FRMPD4: variants seen among roughly 807,000 people sequenced by gnomAD.
The protein encoded by FRMPD4 is FERM and PDZ domain-containing protein 4.
In FRMPD4, 22 loss-of-function variants were observed where a neutral mutation model predicts 94.1. That is an observed-to-expected ratio of 0.23 (90% confidence interval 0.17 to 0.33). The LOEUF is 0.33. Ranked by LOEUF, FRMPD4 falls within the 10% of genes least tolerant of loss-of-function variation. The pLI is 1.00. For synonymous variants in FRMPD4, 631 were observed against 548.6 expected (o/e 1.15, Z -2.10); for missense variants, 1,111 against 1,339.9 (o/e 0.83, Z 2.67).
chrX:12,020,937 G>A (rs1271369786), intron 3 of FRMPD4, among the ~76,000 whole-genome samples: 5 of 111,705 alleles, frequency 4.5e-5, no homozygotes, highest in African/African-American at 1.6e-4. Context: ...CCACAAACAT[G>A]TATGTTAATC....
intron 1 of FRMPD4, among the ~76,000 whole-genome samples, chrX:12,277,030 A>G (rs2054449946): frequency 9.8e-6 from 1 of 102,336 alleles, no homozygotes; most frequent in Non-Finnish European, 2.0e-5. Context: ...CTGAGGCAGG[A>G]GAATGGCGTG....
chrX:11,946,276 C>T (rs2054188648), intron 3 of FRMPD4, among the ~76,000 whole-genome samples: 2 of 111,402 alleles, frequency 1.8e-5, no homozygotes, highest in Non-Finnish European at 3.8e-5. Flanking sequence ...GGCAGACTCA[C>T]CTAGGGCTGT....
chrX:12,080,204 G>A lies in FRMPD4; in HGVS notation c.95+202186G>A, dbSNP rs146752837. Among the ~76,000 whole-genome samples, 333 of 111,921 alleles carry A rather than the reference G, an allele frequency of 3.0e-3. 1 individual carries two copies. The highest frequency in any genetic ancestry group is 4.7e-3 in the Non-Finnish European group (247 of 53,066). On this transcript the variant is annotated intron_variant, in intron 3 of 18. Coordinates refer to the FRMPD4 transcript ENST00000640291. Reference sequence around the variant, plus strand: ...TTCTTGCTTTACTTTGATTACCCAGGGATAGATTCACTATTTCTAAGTTTC... The same window carrying A: ...TTCTTGCTTTACTTTGATTACCCAGAGATAGATTCACTATTTCTAAGTTTC...
intron 1 of FRMPD4, among the ~76,000 whole-genome samples, chrX:12,273,088 AAG>A (rs1057009938): frequency 4.5e-5 from 5 of 110,841 alleles, no homozygotes; most frequent in African/African-American, 1.3e-4. Context: ...AAAAAAAAAA[AAG>A]AAAAAAAAAT....
chrX:12,716,478 G>T lies in FRMPD4; in HGVS notation c.2019G>T (p.Thr673=). 8.3e-7 allele frequency: 1 copy of T among 1,210,270 alleles called. No individual in the cohort carries two copies. The highest frequency in any genetic ancestry group is 1.1e-6 in the Non-Finnish European group (1 of 894,738). Residue 673 remains threonine, a synonymous_variant, in exon 15 of 17, where the codon ACG becomes ACT. Transcript: ENST00000675598. The part of the protein sequence containing the change: ...GISPPTLGYE[T]LLDEGPEMLE... Reference sequence around the variant, plus strand: ...GTCCCCCAACCCTTGGCTATGAAACGCTACTAGATGAGGGTCCTGAAATGC... The same window carrying T: ...GTCCCCCAACCCTTGGCTATGAAACTCTACTAGATGAGGGTCCTGAAATGC...
chrX:11,892,840 A>G (rs977574036), intron 3 of FRMPD4, among the ~76,000 whole-genome samples: 1 of 112,255 alleles, frequency 8.9e-6, no homozygotes, highest in Non-Finnish European at 1.9e-5. Context: ...TCAGAAGTGA[A>G]GCTTGGGATG....
At chrX:12,553,433 C>CATATATATATATAT (rs1257665252) in intron 2 of FRMPD4, among the ~76,000 whole-genome samples, 15 of 28,740 alleles carry the variant, frequency 5.2e-4, no homozygotes, top group African/African-American at 7.8e-4. Context: ...TATCCATATG[C>CATATATATATATAT]CTATATATAT....
chrX:12,351,025 T>C (rs951342473), intron 1 of FRMPD4, among the ~76,000 whole-genome samples: 2 of 110,689 alleles, frequency 1.8e-5, no homozygotes, highest in African/African-American at 3.3e-5. Context: ...AATACAAAAA[T>C]TAGCTGGGTG....
chrX:11,856,306 A>G (rs1216603538), intron 1 of FRMPD4, among the ~76,000 whole-genome samples: 1 of 112,027 alleles, frequency 8.9e-6, no homozygotes, highest in African/African-American at 3.2e-5. Context: ...AAAATCCTCA[A>G]CAAAATACTG....
At chrX:11,910,787 A>T (rs1424653872) in intron 3 of FRMPD4, among the ~76,000 whole-genome samples, 1 of 112,278 alleles carries the variant, frequency 8.9e-6, no homozygotes, top group Non-Finnish European at 1.9e-5. Flanking sequence ...GACATGTCAA[A>T]ACACAGAGAT....
At chrX:11,871,158 C>T (rs757990164) in intron 2 of FRMPD4, among the ~76,000 whole-genome samples, 2 of 112,453 alleles carry the variant, frequency 1.8e-5, no homozygotes. Context: ...AAGAAAGATA[C>T]CCTAGCATTC....
chrX:12,185,165 T>C (rs1050597727), intron 1 of FRMPD4, among the ~76,000 whole-genome samples: 1 of 111,997 alleles, frequency 8.9e-6, no homozygotes, highest in Non-Finnish European at 1.9e-5. Context: ...GTGAAGTTTA[T>C]TTAGTTAATA....
chrX:12,680,024 A>G (rs985344713), intron 5 of FRMPD4, among the ~76,000 whole-genome samples: 2 of 112,061 alleles, frequency 1.8e-5, no homozygotes, highest in African/African-American at 6.5e-5. Context: ...AATACCTGCT[A>G]TATAAGTAAT....
chrX:11,910,580 A>T (rs753358211), intron 3 of FRMPD4, among the ~76,000 whole-genome samples: 8 of 110,860 alleles, frequency 7.2e-5, no homozygotes, highest in African/African-American at 2.6e-4. Flanking sequence ...CACCCAACGA[A>T]TTTTTTTGTG....
chrX:11,897,180 C>T (rs1171771731), intron 3 of FRMPD4, among the ~76,000 whole-genome samples: 1 of 105,962 alleles, frequency 9.4e-6, no homozygotes, highest in Non-Finnish European at 1.9e-5. Flanking sequence ...AGAAAAAAAG[C>T]ATGCTGAGCA....
chrX:11,968,857 A>G (rs774948760), intron 3 of FRMPD4, among the ~76,000 whole-genome samples: 1 of 112,256 alleles, frequency 8.9e-6, no homozygotes, highest in South Asian at 3.7e-4. Context: ...AGATTAAATA[A>G]CTTAGCCAAA....
chrX:12,331,317 T>C (rs1482334449), intron 1 of FRMPD4, among the ~76,000 whole-genome samples: 1 of 105,841 alleles, frequency 9.4e-6, no homozygotes, highest in Non-Finnish European at 1.9e-5. Flanking sequence ...CTCAGAGTGG[T>C]ATCATGTCGA....
chrX:12,463,673 A>ATT (rs2057414718), intron 1 of FRMPD4, among the ~76,000 whole-genome samples: 1 of 43,948 alleles, frequency 2.3e-5, no homozygotes, highest in Non-Finnish European at 4.1e-5. Context: ...TGTGCCTCCT[A>ATT]TGTGTGTGTT....
intron 1 of FRMPD4, among the ~76,000 whole-genome samples, chrX:12,218,222 A>G (rs2056828382): frequency 8.9e-6 from 1 of 112,513 alleles, no homozygotes; most frequent in Admixed American, 9.4e-5. Context: ...TTAATATCCT[A>G]TTAATGTATA....
Sources: gnomAD v4.1 joint callset for allele counts (sites outside exome capture counted in the v4.1 genomes callset) on GRCh38, gnomAD v4.1.1 for gene constraint, MANE v1.5 for transcripts, NCBI Gene and HGNC (gene_info 2026-07-23, HGNC 2026-07-21) for gene names.